The following UBE3A variants were observed in gnomAD, a reference collection of about 807,000 sequenced individuals.
UBE3A encodes ubiquitin-protein ligase E3A.
In UBE3A, 6 loss-of-function variants were observed where a neutral mutation model predicts 83.4. The ratio of observed to expected loss-of-function variants is 0.07; its 90% CI spans 0.04 to 0.14. The LOEUF is 0.14. Among genes scored for constraint, UBE3A ranks in the 10% least tolerant of loss-of-function variants. The pLI is 1.00. For missense variants in UBE3A, 456 were observed against 1,036.1 expected (o/e 0.44, Z 7.69); for synonymous variants, 337 against 355.4 (o/e 0.95, Z 0.58).
intron 4 of UBE3A, among the ~76,000 whole-genome samples, chr15:25,392,454 T>C (rs1018077276): frequency 1.8e-4 from 27 of 152,212 alleles, no homozygotes; most frequent in Non-Finnish European, 4.4e-5. Context: ...GACAGTTTCA[T>C]CTTTCAAGGA....
intron 1 of UBE3A, among the ~76,000 whole-genome samples, chr15:25,435,218 T>A (rs1000703381): frequency 4.0e-5 from 5 of 123,770 alleles, no homozygotes; most frequent in African/African-American, 1.5e-4. Context: ...AGTTCCATTA[T>A]GTGATAGGGT....
At chr15:25,432,198 G>T (rs754469330) in intron 1 of UBE3A, among the ~76,000 whole-genome samples, 3 of 152,188 alleles carry the variant, frequency 2.0e-5, no homozygotes, top group African/African-American at 7.2e-5. Flanking sequence ...GTGCAAGAAA[G>T]TGACAAAATG....
chr15:25,400,388 G>A (rs902742605), intron 4 of UBE3A, among the ~76,000 whole-genome samples: 2 of 152,092 alleles, frequency 1.3e-5, no homozygotes, highest in Non-Finnish European at 2.9e-5. Context: ...TCATTACTTA[G>A]TACCTAATAC....
At chr15:25,403,550 G>A (rs1470281216) in intron 4 of UBE3A, among the ~76,000 whole-genome samples, 5 of 151,998 alleles carry the variant, frequency 3.3e-5, no homozygotes, top group African/African-American at 1.2e-4. Flanking sequence ...GAAGAGTATG[G>A]CAGTTTCTCA....
Position 25,438,510 on chromosome 15 carries a change from G to C in UBE3A, c.-186C>G, listed in dbSNP as rs1895868615. 1.3e-5 allele frequency: 2 copies of C among 152,482 alleles called. No individual in the cohort carries two copies. The highest frequency in any genetic ancestry group is 4.8e-5 in the African/African-American group (2 of 41,460). 9.4% of individuals were successfully genotyped at this position (152,482 alleles called of 1,614,324 possible). A position where few individuals can be genotyped will look rare whatever the true frequency, so the allele number is the denominator to read the frequency against. ...TGACCTGTCGTCGCCCCCGCGCCTG[G>C]GCTGCGGCGGCCGCCTCACTGGTCG... On this transcript the variant is annotated 5_prime_UTR_variant, in exon 1 of 13. Transcript: ENST00000648336.
At chr15:25,343,236 T>C (rs923239246) in intron 11 of UBE3A, among the ~76,000 whole-genome samples, 2 of 152,080 alleles carry the variant, frequency 1.3e-5, no homozygotes, top group African/African-American at 2.4e-5. Context: ...ATAAAGTTAT[T>C]ATGGGAAGAG....
At chr15:25,395,424 G>C in intron 4 of UBE3A, among the ~76,000 whole-genome samples, 1 of 152,152 alleles carries the variant, frequency 6.6e-6, no homozygotes, top group East Asian at 1.9e-4. Flanking sequence ...AGAGTAAACA[G>C]AAGTATAATG....
chr15:25,418,246 A>AGG (rs1887946495), intron 1 of UBE3A: 1 of 152,218 alleles, frequency 6.6e-6, no homozygotes. Flanking sequence ...CTGTATAACC[A>AGG]GACTTCTCAT....
At chr15:25,386,601 G>A (rs2083185879) in intron 4 of UBE3A, among the ~76,000 whole-genome samples, 1 of 152,068 alleles carries the variant, frequency 6.6e-6, no homozygotes. Flanking sequence ...GGGCATGGAT[G>A]AAGAATCTCT....
Position 25,370,335 on chromosome 15 carries a change from A to G in UBE3A, c.1608+231T>C, listed in dbSNP as rs1372394647. Among the ~76,000 whole-genome samples, 1 of 152,222 alleles carries G rather than the reference A, an allele frequency of 6.6e-6. No individual in the cohort carries two copies. Among genetic ancestry groups the G allele is most frequent in the Non-Finnish European group, 1.5e-5 (1 of 68,036 alleles). ...TTAGTTTTCAAGATTTAGAAAACCC[A>G]TTCTTTTTCAAAGATAGCATGACCA... is the stretch of plus-strand genomic sequence containing the variant. On this transcript the variant is annotated intron_variant, in intron 6 of 12. Coordinates refer to ENST00000648336, the MANE Select transcript of UBE3A (RefSeq NM_130839.5). This position sits in a 1 kb window ranked among gnomAD's most constrained non-coding sequence, Gnocchi z 4.2.
intron 11 of UBE3A, 50 bp from the exon 12 acceptor site, chr15:25,340,278 T>TGGTACTAACATAAGCTTATGATTTGC (rs2074524366): frequency 3.8e-6 from 6 of 1,576,782 alleles, no homozygotes; most frequent in Admixed American, 3.3e-5. Context: ...TCATTATGAC[T>TGGTACTAACATAAGCTTATGATTTGC]GGTACTAACA....
At chr15:25,342,029 C>T (rs1224695955) in intron 11 of UBE3A, among the ~76,000 whole-genome samples, 3 of 152,006 alleles carry the variant, frequency 2.0e-5, no homozygotes, top group East Asian at 1.9e-4. Context: ...ATCCACCAGT[C>T]AGCAAGAGAA....
chr15:25,340,603 A>AACTC (rs999840713), intron 11 of UBE3A, among the ~76,000 whole-genome samples: 2 of 152,136 alleles, frequency 1.3e-5, no homozygotes, highest in Non-Finnish European at 2.9e-5. Flanking sequence ...TGGAAAAATT[A>AACTC]ACTCCAGGTG....
chr15:25,376,565 C>T (rs1473126456), intron 4 of UBE3A, among the ~76,000 whole-genome samples: 1 of 152,026 alleles, frequency 6.6e-6, no homozygotes, highest in Non-Finnish European at 1.5e-5. Flanking sequence ...ATCACTTGAG[C>T]CTGAGAGTCA....
intron 11 of UBE3A, among the ~76,000 whole-genome samples, chr15:25,351,269 TAAG>T (rs1235836355): frequency 3.9e-5 from 6 of 152,156 alleles, no homozygotes; most frequent in Non-Finnish European, 8.8e-5. Flanking sequence ...GAGTTTTTCT[TAAG>T]AAGTATTACA....
intron 4 of UBE3A, among the ~76,000 whole-genome samples, chr15:25,382,471 C>T (rs2082352058): frequency 6.6e-6 from 1 of 150,830 alleles, no homozygotes; most frequent in African/African-American, 2.4e-5. Context: ...TTTACAGTGT[C>T]ATATTTCACA....
rs778703338 is a variant in UBE3A at position 25,356,679 on chromosome 15, CAAAG to C, written c.1959+8_1959+11del. 17 of 1,610,878 alleles carry C rather than the reference CAAAG, an allele frequency of 1.1e-5. No homozygotes were observed. The highest frequency in any genetic ancestry group is 2.2e-5 in the East Asian group (1 of 44,766). On this transcript the variant is annotated splice_region_variant and intron_variant, in intron 8 of 12. Coordinates refer to ENST00000648336, the MANE Select transcript of UBE3A (RefSeq NM_130839.5). ...CTAAGAGACTGAATTAAAAAAATGA[CAAAG>C]AACTTACTGGGTGAGAGTCTCCCAA...
intron 4 of UBE3A, among the ~76,000 whole-genome samples, chr15:25,377,406 TAA>T (rs2081394210): frequency 6.6e-6 from 1 of 152,182 alleles, no homozygotes; most frequent in Non-Finnish European, 1.5e-5. Context: ...AAACATGACT[TAA>T]AGACATTTTG....
intron 1 of UBE3A, among the ~76,000 whole-genome samples, chr15:25,429,699 A>G (rs968233504): frequency 1.3e-5 from 2 of 151,854 alleles, no homozygotes; most frequent in African/African-American, 4.8e-5. Flanking sequence ...ACAAACAAAC[A>G]AACATTTTTT....
Sources: gnomAD v4.1 joint callset for allele counts (sites outside exome capture counted in the v4.1 genomes callset) on GRCh38, gnomAD v4.1.1 for gene constraint, Gnocchi (gnomAD v3.1) non-coding constraint, MANE v1.5 for transcripts, NCBI Gene and HGNC (gene_info 2026-07-23, HGNC 2026-07-21) for gene names.